The following FRMD3 variants were observed in gnomAD, a reference collection of about 807,000 sequenced individuals.
The protein encoded by FRMD3 is FERM domain-containing protein 3.
A neutral mutation model predicts 70.2 loss-of-function variants in FRMD3; 33 were observed. The observed-to-expected ratio is 0.47, with a 90% CI of 0.36 to 0.63. FRMD3 has a LOEUF of 0.63. Among genes scored for constraint, FRMD3 ranks in the 20% least tolerant of loss-of-function variants. The pLI is 0.00. For missense variants in FRMD3, 632 were observed against 711.4 expected, an observed-to-expected ratio of 0.89 and a Z score of 1.27; for synonymous variants, 279 against 255.9, an observed-to-expected ratio of 1.09 and a Z score of -0.86.
downstream of FRMD3, among the ~76,000 whole-genome samples, chr9:83,244,277 T>C (rs1263173155): frequency 6.6e-6 from 1 of 152,186 alleles, no homozygotes. Flanking sequence ...GATGATAACA[T>C]ATTAATTTCT....
chr9:83,449,374 T>A (rs1358851809), intron 1 of FRMD3, among the ~76,000 whole-genome samples: 1 of 152,192 alleles, frequency 6.6e-6, no homozygotes, highest in Non-Finnish European at 1.5e-5. Flanking sequence ...CTGTAAAATA[T>A]CTTTTAGAAG....
At chr9:83,555,772 G>C in the FRMD3 span, among the ~76,000 whole-genome samples, 9,594 of 152,300 alleles carry the variant, frequency 0.063, 433 homozygotes, top group East Asian at 0.1. Flanking sequence ...CTCCAGGCAT[G>C]CTTGAGCAGC....
the FRMD3 span, among the ~76,000 whole-genome samples, chr9:83,577,691 A>G: frequency 3.7e-4 from 57 of 152,128 alleles, no homozygotes; most frequent in East Asian, 7.3e-3. Flanking sequence ...ACAAAGGGGG[A>G]AAAGAACTGG....
At chr9:83,564,926 A>T in the FRMD3 span, among the ~76,000 whole-genome samples, 2 of 152,182 alleles carry the variant, frequency 1.3e-5, no homozygotes, top group African/African-American at 2.4e-5. Flanking sequence ...CAAAAGTTCA[A>T]AAATAATCAC....
intron 12 of FRMD3, among the ~76,000 whole-genome samples, chr9:83,290,981 C>G (rs1043003661): frequency 3.3e-5 from 5 of 152,032 alleles, no homozygotes; most frequent in Non-Finnish European, 5.9e-5. Flanking sequence ...ATCACCAGCC[C>G]TGAGCATGCT....
At chr9:83,462,359 A>G (rs953810582) in intron 1 of FRMD3, among the ~76,000 whole-genome samples, 1 of 152,172 alleles carries the variant, frequency 6.6e-6, no homozygotes. Flanking sequence ...TCTAAGCATC[A>G]AGGAGGCCCC....
chr9:83,449,616 A>C (rs1827582181), intron 1 of FRMD3, among the ~76,000 whole-genome samples: 1 of 152,144 alleles, frequency 6.6e-6, no homozygotes. Context: ...CCACAGATGC[A>C]CCCCTGCTCA....
At chr9:83,397,880 C>G (rs1359315426) in intron 1 of FRMD3, among the ~76,000 whole-genome samples, 1 of 152,198 alleles carries the variant, frequency 6.6e-6, no homozygotes, top group Non-Finnish European at 1.5e-5. Flanking sequence ...AGGCCCTTAA[C>G]AGCAACTAAA....
chr9:83,313,810 T>A, intron 6 of FRMD3, 63 bp from the exon 7 acceptor site: 1 of 1,208,722 alleles, frequency 8.3e-7, no homozygotes, highest in East Asian at 2.3e-5. Context: ...TCGGAATCCC[T>A]TCATTCAATA....
intron 1 of FRMD3, among the ~76,000 whole-genome samples, chr9:83,422,944 AG>A (rs1826687080): frequency 1.3e-5 from 2 of 152,242 alleles, no homozygotes; most frequent in African/African-American, 4.8e-5. Flanking sequence ...CCACCAGGCC[AG>A]GGAACGAATG....
At chr9:83,567,887 C>T in the FRMD3 span, among the ~76,000 whole-genome samples, 2 of 152,216 alleles carry the variant, frequency 1.3e-5, no homozygotes, top group Non-Finnish European at 2.9e-5. Context: ...TTCTTCTGAG[C>T]CCTCCAAACT....
chr9:83,278,996 G>A (rs1833880921), intron 13 of FRMD3, among the ~76,000 whole-genome samples: 1 of 152,190 alleles, frequency 6.6e-6, no homozygotes, highest in Non-Finnish European at 1.5e-5. Context: ...GTTCAGCTAG[G>A]CCAAGGTGCT....
At chr9:83,264,365 A>G (rs1377479183) in intron 13 of FRMD3, among the ~76,000 whole-genome samples, 1 of 152,236 alleles carries the variant, frequency 6.6e-6, no homozygotes, top group African/African-American at 2.4e-5. Flanking sequence ...ACTATTATGT[A>G]TGATACAACA....
At chr9:83,540,320 C>T (rs1359445660), upstream of FRMD3, among the ~76,000 whole-genome samples, 5 of 152,104 alleles carry the variant, frequency 3.3e-5, no homozygotes, top group African/African-American at 4.8e-5. Flanking sequence ...TTATAGTGAC[C>T]GTTAGGCTCC....
chr9:83,514,995 A>G (rs1035116321), intron 1 of FRMD3, among the ~76,000 whole-genome samples: 6 of 152,222 alleles, frequency 3.9e-5, no homozygotes, highest in African/African-American at 1.4e-4. Flanking sequence ...AGATAAATCC[A>G]TGAAGAAGAG....
At chr9:83,510,937 G>A (rs1035635144) in intron 1 of FRMD3, among the ~76,000 whole-genome samples, 1 of 152,214 alleles carries the variant, frequency 6.6e-6, no homozygotes, top group Admixed American at 6.5e-5. Flanking sequence ...AAAATTGACT[G>A]TGTTGATGGA....
intron 12 of FRMD3, chr9:83,297,632 C>T (rs1423579094): frequency 4.8e-6 from 2 of 420,080 alleles, no homozygotes; most frequent in Non-Finnish European, 9.7e-6. Context: ...AAAGACTTTT[C>T]TCATTGGTGG....
chr9:83,378,461 ATATACATATAAAATTTATATATAT>A (rs1825222077), intron 2 of FRMD3, among the ~76,000 whole-genome samples: 1 of 91,308 alleles, frequency 1.1e-5, no homozygotes, highest in Admixed American at 1.2e-4. Flanking sequence ...TATATATATA[ATATACATATAAAATTTATATATAT>A]AATATACATA....
At chr9:83,443,173 T>C (rs1017535179) in intron 1 of FRMD3, among the ~76,000 whole-genome samples, 5 of 152,218 alleles carry the variant, frequency 3.3e-5, no homozygotes, top group African/African-American at 7.2e-5. Flanking sequence ...CTTTAAGTTC[T>C]ATACATGTGC....
Sources: allele counts gnomAD v4.1 joint callset (sites outside exome capture counted in the v4.1 genomes callset), GRCh38; gene constraint gnomAD v4.1.1; transcripts MANE v1.5; gene names NCBI Gene and HGNC (gene_info 2026-07-23, HGNC 2026-07-21).